The following PGM5 variants were observed in gnomAD, a reference collection of about 807,000 sequenced individuals.
The protein encoded by PGM5 is phosphoglucomutase-like protein 5.
Under a neutral mutation model 59.2 loss-of-function variants are expected in PGM5, and 23 were observed. The ratio of observed to expected loss-of-function variants is 0.39; its 90% confidence interval spans 0.28 to 0.55. PGM5 has a LOEUF of 0.55. PGM5 is among the 20% of genes least tolerant of loss of function. PGM5 has a pLI of 0.66. For missense variants in PGM5, 574 were observed against 748.3 expected (o/e 0.77, Z 2.72); for synonymous variants, 214 against 286.0 (o/e 0.75, Z 2.54).
intron 6 of PGM5, chr9:68,395,738 C>T (rs1363210833): frequency 6.6e-6 from 1 of 152,044 alleles, no homozygotes; most frequent in African/African-American, 2.4e-5. Context: ...CAATTATTTG[C>T]TGCTGGTGCT....
intron 6 of PGM5, among the ~76,000 whole-genome samples, chr9:68,408,268 G>A (rs1371195224): frequency 1.3e-5 from 2 of 152,234 alleles, no homozygotes; most frequent in African/African-American, 4.8e-5. Flanking sequence ...AGATCACAGA[G>A]CAGAGGCTGG....
At chr9:68,418,142 A>G (rs1316055313) in intron 6 of PGM5, among the ~76,000 whole-genome samples, 1 of 152,144 alleles carries the variant, frequency 6.6e-6, no homozygotes, top group Non-Finnish European at 1.5e-5. Flanking sequence ...ATGTCTTCCT[A>G]TAGTCACCTG....
chr9:68,521,421 G>A (rs537927963), intron 10 of PGM5, among the ~76,000 whole-genome samples: 6 of 152,346 alleles, frequency 3.9e-5, no homozygotes. Context: ...GGAGGAAAAT[G>A]GAGAATGGAG....
At chr9:68,376,066 A>G (rs575240231) in intron 1 of PGM5, among the ~76,000 whole-genome samples, 38 of 152,330 alleles carry the variant, frequency 2.5e-4, no homozygotes, top group African/African-American at 8.9e-4. Flanking sequence ...GTAGACTACA[A>G]TGAAGACTTT....
chr9:68,377,430 G>A lies in PGM5; in HGVS notation c.262-769G>A, dbSNP rs373867491. On this transcript the variant is annotated intron_variant, in intron 1 of 10. Coordinates refer to ENST00000396396, the MANE Select transcript of PGM5 (RefSeq NM_021965.4). ...GAGTACTAGGGTTTTAAAAAGCTTC[G>A]TAAGTGATTCTATTTTGTAGAAATA... Among the ~76,000 whole-genome samples, 6 of 152,258 alleles carry A rather than the reference G, an allele frequency of 3.9e-5. No homozygotes were observed. In the East Asian group the frequency reaches 5.8e-4, roughly 15 times the overall value.
At chr9:68,440,783 T>C (rs557304801) in intron 6 of PGM5, among the ~76,000 whole-genome samples, 22 of 151,762 alleles carry the variant, frequency 1.4e-4, no homozygotes, top group South Asian at 4.2e-4. Flanking sequence ...AGAGAATAAA[T>C]AAACCCAAGG....
chr9:68,515,212 G>A (rs1176267838), intron 10 of PGM5, among the ~76,000 whole-genome samples: 1 of 152,336 alleles, frequency 6.6e-6, no homozygotes, highest in African/African-American at 2.4e-5. Flanking sequence ...ATGTTCCTTT[G>A]TCCAAACTGC....
Position 68,411,229 on chromosome 9 carries a change from T to C in PGM5, c.1043+18756T>C, listed in dbSNP as rs1345156985. Among the ~76,000 whole-genome samples, 3 of 151,976 alleles carry C rather than the reference T, an allele frequency of 2.0e-5. No homozygotes were observed. In the East Asian group the frequency reaches 5.8e-4, roughly 29 times the overall value. ...GTAGGCAACTGTCAACACCTCTAAT[T>C]CATTCATAGGTTATTTGCCCATTAG... On this transcript the variant is annotated intron_variant, in intron 6 of 10. Coordinates refer to ENST00000396396, the MANE Select transcript of PGM5 (RefSeq NM_021965.4).
intron 1 of PGM5, among the ~76,000 whole-genome samples, chr9:68,376,793 C>CT (rs1204015214): frequency 2.8e-5 from 3 of 105,686 alleles, no homozygotes; most frequent in East Asian, 3.2e-4. Context: ...TTCTTTCTTT[C>CT]TTTCTTTCTT....
rs1279897247 is a variant in PGM5 at position 68,414,596 on chromosome 9, G to A, written c.1043+22123G>A. Reference sequence around the variant, plus strand: ...TGCTCTGGGCCAGATACTGTGCCCAGTACAGAGAGGAGGTGCACGAGGAAA... The same window carrying A: ...TGCTCTGGGCCAGATACTGTGCCCAATACAGAGAGGAGGTGCACGAGGAAA... On this transcript the variant is annotated intron_variant, in intron 6 of 10. Coordinates refer to ENST00000396396, the MANE Select transcript of PGM5 (RefSeq NM_021965.4). 3.3e-5 allele frequency among the ~76,000 whole-genome samples: 5 copies of A among 151,676 alleles called. No individual in the cohort carries two copies. The East Asian group carries it at 9.7e-4, about 30-fold the overall frequency.
intron 1 of PGM5, among the ~76,000 whole-genome samples, chr9:68,372,968 T>A (rs1554677289): frequency 8.6e-5 from 13 of 152,046 alleles, no homozygotes. Flanking sequence ...CACCTCTCAC[T>A]GGGCCCCACC....
intron 10 of PGM5, among the ~76,000 whole-genome samples, chr9:68,525,575 T>C (rs965469612): frequency 6.6e-6 from 1 of 152,184 alleles, no homozygotes; most frequent in African/African-American, 2.4e-5. Flanking sequence ...GTTTCCCATA[T>C]GAAAAACAAT....
intron 6 of PGM5, chr9:68,395,775 C>T (rs1822483595): frequency 6.6e-6 from 1 of 151,972 alleles, no homozygotes; most frequent in South Asian, 2.1e-4. Flanking sequence ...TTGTATTCTT[C>T]ACTAGAGGGG....
chr9:68,491,714 A>T (rs1554687882), intron 9 of PGM5, among the ~76,000 whole-genome samples: 1 of 152,212 alleles, frequency 6.6e-6, no homozygotes, highest in African/African-American at 2.4e-5. Context: ...TGAAAATAAA[A>T]TGGGAAGCTG....
At chr9:68,464,145 T>A (rs782371389) in intron 6 of PGM5, among the ~76,000 whole-genome samples, 2 of 152,218 alleles carry the variant, frequency 1.3e-5, no homozygotes, top group Non-Finnish European at 2.9e-5. Flanking sequence ...TTGTTTCAGT[T>A]ATTACAAATT....
At chr9:68,388,100 C>CCCTCTCCACCCACCACCCA (rs1256243925) in intron 4 of PGM5, among the ~76,000 whole-genome samples, 3 of 136,680 alleles carry the variant, frequency 2.2e-5, no homozygotes, top group Non-Finnish European at 4.8e-5. Flanking sequence ...CTCTTTTTCA[C>CCCTCTCCACCCACCACCCA]CCTCTCCACC....
At chr9:68,469,847 A>G (rs1823993939) in intron 7 of PGM5, among the ~76,000 whole-genome samples, 1 of 152,078 alleles carries the variant, frequency 6.6e-6, no homozygotes, top group African/African-American at 2.4e-5. Context: ...AGTACAAAGA[A>G]TTTTCGTTTT....
chr9:68,481,185 T>A (rs1564017262), intron 8 of PGM5, among the ~76,000 whole-genome samples: 1 of 152,226 alleles, frequency 6.6e-6, no homozygotes, highest in Non-Finnish European at 1.5e-5. Flanking sequence ...GACTTTTACT[T>A]AGATATGTAT....
chr9:68,376,811 T>TTCTCTC (rs1378126991), intron 1 of PGM5, among the ~76,000 whole-genome samples: 2 of 111,838 alleles, frequency 1.8e-5, no homozygotes, highest in African/African-American at 7.4e-5. Flanking sequence ...CTTTCTTTCT[T>TTCTCTC]TCTTTCTTTC....
Sources: allele counts gnomAD v4.1 joint callset (sites outside exome capture counted in the v4.1 genomes callset), GRCh38; gene constraint gnomAD v4.1.1; transcripts MANE v1.5; gene names NCBI Gene and HGNC (gene_info 2026-07-23, HGNC 2026-07-21).